The following STK17B variants were observed in gnomAD, a reference collection of about 807,000 sequenced individuals.
STK17B encodes serine/threonine kinase 17b.
Under a neutral mutation model 42.0 loss-of-function variants are expected in STK17B, and 21 were observed. The observed-to-expected ratio is 0.50, with a 90% confidence interval of 0.35 to 0.72. The LOEUF is 0.72. STK17B is among the 30% of genes least tolerant of loss of function. The pLI is 0.00. For missense variants in STK17B, 349 were observed against 446.0 expected, an observed-to-expected ratio of 0.78 and a Z score of 1.96; for synonymous variants, 143 against 148.4, an observed-to-expected ratio of 0.96 and a Z score of 0.26.
chr2:196,161,902 G>A (rs1699816867), intron 2 of STK17B, among the ~76,000 whole-genome samples: 2 of 152,092 alleles, frequency 1.3e-5, no homozygotes, highest in South Asian at 2.1e-4. Flanking sequence ...TGCCCTTAAG[G>A]TAAAAGGCCA....
chr2:196,139,611 A>G lies in STK17B; in HGVS notation c.836+9T>C. 7.4e-7 allele frequency: 1 copy of G among 1,356,682 alleles called. No homozygotes were observed. The highest frequency in any genetic ancestry group is 9.6e-7 in the Non-Finnish European group (1 of 1,045,540). The allele number at this position is 1,356,682 out of a possible 1,614,324, so 84.0% of individuals were successfully genotyped here. ...ATTTGTAATAGTATTTAAACAAATT[A>G]TTACTTACTCTGGATTTTTTACTAA... On this transcript the variant is annotated intron_variant, in intron 7 of 7. Coordinates refer to ENST00000263955, the MANE Select transcript of STK17B (RefSeq NM_004226.4).
At chr2:196,157,223 G>GA (rs1044274041) in intron 2 of STK17B, among the ~76,000 whole-genome samples, 5 of 151,700 alleles carry the variant, frequency 3.3e-5, no homozygotes, top group Admixed American at 6.6e-5. Flanking sequence ...TCCATGCCAT[G>GA]CTCTTGATAT....
chr2:196,147,444 T>C (rs1190535215), intron 3 of STK17B, among the ~76,000 whole-genome samples: 4 of 152,094 alleles, frequency 2.6e-5, no homozygotes, highest in Non-Finnish European at 4.4e-5. Flanking sequence ...ATGTCATAAG[T>C]GTTAGGAGCC....
intron 3 of STK17B, among the ~76,000 whole-genome samples, chr2:196,146,505 A>C (rs562910138): frequency 8.9e-4 from 131 of 146,922 alleles, no homozygotes; most frequent in Non-Finnish European, 1.5e-3. Flanking sequence ...CTCCGTCCCC[A>C]AAAAAAAGAA....
In STK17B at chr2:196,141,266, G is replaced by T. The variant is rs1699490113; in HGVS notation, c.639C>A (p.Thr213=). ...CATCTTACCACATATCTGTTGCTGTGGTAATGGGATCATAGTTCAGGATTT... is the reference window on the plus strand; with the variant it reads ...CATCTTACCACATATCTGTTGCTGTTGTAATGGGATCATAGTTCAGGATTT... ...APEILNYDPI[T]TATDMWNIGI... Residue 213 remains threonine, a synonymous_variant, in exon 6 of 8, where the codon ACC becomes ACA. Transcript: ENST00000263955. The T allele has an allele frequency of 1.2e-6, 2 of 1,606,990 alleles. No homozygotes were observed. Among genetic ancestry groups the T allele is most frequent in the Non-Finnish European group, 1.7e-6 (2 of 1,176,364 alleles).
chr2:196,154,815 A>G (rs1402957717), intron 3 of STK17B: 1 of 152,250 alleles, frequency 6.6e-6, no homozygotes, highest in Non-Finnish European at 1.5e-5. Flanking sequence ...ATAGTAATTA[A>G]GCCGAAGTTC....
Position 196,137,367 on chromosome 2 carries a change from A to G in STK17B, c.*80T>C, listed in dbSNP as rs1699420912. On this transcript the variant is annotated 3_prime_UTR_variant, in exon 8 of 8. Coordinates refer to ENST00000263955, the MANE Select transcript of STK17B (RefSeq NM_004226.4). ...TGCATTTACAATATAAACATGTCATATATGAAGCTACAAATCATAATCTCA... is the reference window on the plus strand; with the variant it reads ...TGCATTTACAATATAAACATGTCATGTATGAAGCTACAAATCATAATCTCA... 3 of 1,419,114 alleles carry G rather than the reference A, an allele frequency of 2.1e-6. No individual in the cohort carries two copies. Among genetic ancestry groups the G allele is most frequent in the African/African-American group, 2.9e-5 (2 of 69,444 alleles). The allele number at this position is 1,419,114 out of a possible 1,614,324, so 87.9% of individuals were successfully genotyped here.
At chr2:196,143,514 C>A in intron 5 of STK17B, 46 bp downstream of exon 5, 3 of 1,520,704 alleles carry the variant, frequency 2.0e-6, no homozygotes, top group Non-Finnish European at 2.7e-6. Context: ...GTATCATTTA[C>A]TTAATAAATT....
Position 196,161,700 on chromosome 2 carries a change from T to C in STK17B, c.122+1562A>G, listed in dbSNP as rs1478599461. Among the ~76,000 whole-genome samples, 8 of 151,850 alleles carry C rather than the reference T, an allele frequency of 5.3e-5. No individual in the cohort carries two copies. The South Asian group carries it at 8.3e-4, about 16-fold the overall frequency. Reference sequence around the variant, plus strand: ...TGCCTGGCTAATTTTGTATTTTTAGTAGACACAGGGTTTCACTATGTTGGC... The same window carrying C: ...TGCCTGGCTAATTTTGTATTTTTAGCAGACACAGGGTTTCACTATGTTGGC... On this transcript the variant is annotated intron_variant, in intron 2 of 7. Coordinates refer to ENST00000263955, the MANE Select transcript of STK17B (RefSeq NM_004226.4).
chr2:196,171,808 A>T (rs1476854220), upstream of STK17B, among the ~76,000 whole-genome samples: 1 of 129,804 alleles, frequency 7.7e-6, no homozygotes, highest in East Asian at 2.1e-4. Flanking sequence ...GGTGGGGCGC[A>T]CTCGGGCTGC....
chr2:196,166,952 A>T (rs1268918815), intron 1 of STK17B, among the ~76,000 whole-genome samples: 4 of 152,240 alleles, frequency 2.6e-5, no homozygotes, highest in Non-Finnish European at 5.9e-5. Flanking sequence ...CAGTATCTAC[A>T]AGCTTTCAAG....
intron 2 of STK17B, among the ~76,000 whole-genome samples, chr2:196,161,511 C>CATTTT (rs1699811866): frequency 1.4e-5 from 1 of 69,522 alleles, no homozygotes; most frequent in African/African-American, 6.1e-5. Flanking sequence ...TATTATAATT[C>CATTTT]TTTTTTTTTT....
At chr2:196,150,179 T>TAAAAAAAAAAA (rs143244008) in intron 3 of STK17B, among the ~76,000 whole-genome samples, 1 of 113,488 alleles carries the variant, frequency 8.8e-6, no homozygotes, top group Non-Finnish European at 1.8e-5. Flanking sequence ...GAGCAGTGAC[T>TAAAAAAAAAAA]AAAAAAAAAA....
chr2:196,138,969 T>C (rs1389394702), intron 7 of STK17B, among the ~76,000 whole-genome samples: 1 of 152,110 alleles, frequency 6.6e-6, no homozygotes, highest in Non-Finnish European at 1.5e-5. Flanking sequence ...AATTATTTTA[T>C]TTTATTTATT....
At chr2:196,156,810 G>A (rs558133171) in intron 2 of STK17B, among the ~76,000 whole-genome samples, 159 bp from the exon 3 acceptor site, 13 of 152,234 alleles carry the variant, frequency 8.5e-5, no homozygotes, top group South Asian at 4.1e-4. Flanking sequence ...AATATCATAC[G>A]TACTTTTATA....
chr2:196,154,226 C>CCAACAACAACAACAACAACAA (rs55974799), intron 3 of STK17B: 1 of 147,308 alleles, frequency 6.8e-6, no homozygotes, highest in Non-Finnish European at 1.5e-5. Context: ...GAGCAAGACT[C>CCAACAACAACAACAACAACAA]CAACAACAAC....
intron 3 of STK17B, among the ~76,000 whole-genome samples, chr2:196,146,683 ATATG>A (rs1434803344): frequency 6.6e-6 from 1 of 152,100 alleles, no homozygotes; most frequent in Non-Finnish European, 1.5e-5. Context: ...ATGTACATCT[ATATG>A]TATTCATATA....
intron 1 of STK17B, among the ~76,000 whole-genome samples, chr2:196,170,113 A>G (rs1699921030): frequency 1.3e-5 from 2 of 152,216 alleles, no homozygotes; most frequent in Non-Finnish European, 2.9e-5. Flanking sequence ...TAAAATAAGC[A>G]CTTGTTGAAA....
intron 5 of STK17B, among the ~76,000 whole-genome samples, chr2:196,141,906 G>C (rs1236539906): frequency 8.5e-6 from 1 of 118,106 alleles, no homozygotes; most frequent in Non-Finnish European, 1.8e-5. Flanking sequence ...GTAAAACTCT[G>C]GAAGCTAGAA....
Sources: gnomAD v4.1 joint callset for allele counts (sites outside exome capture counted in the v4.1 genomes callset) on GRCh38, gnomAD v4.1.1 for gene constraint, MANE v1.5 for transcripts, NCBI Gene and HGNC (gene_info 2026-07-23, HGNC 2026-07-21) for gene names.